MGRN1: variants seen among roughly 807,000 people sequenced by gnomAD.
MGRN1 encodes the protein mahogunin ring finger 1.
Under a neutral mutation model 69.2 loss-of-function variants are expected in MGRN1, and 29 were observed. The ratio of observed to expected loss-of-function variants is 0.42; its 90% CI spans 0.31 to 0.57. MGRN1 has a LOEUF of 0.57. Ranked by LOEUF, MGRN1 falls within the 20% of genes least tolerant of loss-of-function variation. The probability of loss-of-function intolerance (pLI) is 0.15; values close to 1 mark genes in which losing one functional copy is unlikely to be tolerated. For synonymous variants in MGRN1, 470 were observed against 344.2 expected, an observed-to-expected ratio of 1.37 and a Z score of -4.04; for missense variants, 998 against 796.2, an observed-to-expected ratio of 1.25 and a Z score of -3.05.
rs2079413017 is a variant in MGRN1 at position 4,689,667 on chromosome 16, C to T, written c.*759C>T. 1.3e-5 allele frequency: 2 copies of T among 152,254 alleles called. No individual in the cohort carries two copies. Among genetic ancestry groups the T allele is most frequent in the Admixed American group, 6.5e-5 (1 of 15,290 alleles). The allele number at this position is 152,254 out of a possible 1,614,324, so 9.4% of individuals were successfully genotyped here. ...CTTTGGTGACATCACAAGGCCCCTC[C>T]AGGTGCAGGGGCTTCTGTTTGGCAG... On this transcript the variant is annotated 3_prime_UTR_variant, in exon 17 of 17. Coordinates refer to ENST00000262370, the MANE Select transcript of MGRN1 (RefSeq NM_015246.4).
At chr16:4,629,497 T>C (rs1897881185) in intron 1 of MGRN1, among the ~76,000 whole-genome samples, 1 of 152,152 alleles carries the variant, frequency 6.6e-6, no homozygotes. Flanking sequence ...TCCCAGCACT[T>C]TGGGAGGCCA....
chr16:4,666,642 C>T (rs1596300978), intron 7 of MGRN1, among the ~76,000 whole-genome samples: 1 of 152,200 alleles, frequency 6.6e-6, no homozygotes, highest in Non-Finnish European at 1.5e-5. Context: ...CTACCAGGCT[C>T]AGTGTCCTTG....
chr16:4,683,045 G>A lies in MGRN1; in HGVS notation c.1482+99G>A, dbSNP rs908722073. 9 of 1,465,394 alleles carry A rather than the reference G, an allele frequency of 6.1e-6. No homozygotes were observed. In the East Asian group the frequency reaches 7.2e-5, roughly 12 times the overall value. 90.8% of individuals were successfully genotyped at this position (1,465,394 alleles called of 1,614,324 possible). On this transcript the variant is annotated intron_variant, in intron 14 of 16. Coordinates refer to ENST00000262370, the MANE Select transcript of MGRN1 (RefSeq NM_015246.4). ...ACCCCATCCCACTGCCCGCCTGGGC[G>A]CCCCCGTGCTTGTTGGCTCTTGCTG... is the stretch of plus-strand genomic sequence containing the variant.
intron 4 of MGRN1, among the ~76,000 whole-genome samples, chr16:4,656,922 T>TAAAC (rs1460090564): frequency 9.6e-6 from 1 of 104,316 alleles, no homozygotes; most frequent in Admixed American, 9.6e-5. Flanking sequence ...AATAAATAAA[T>TAAAC]AAATAAACAA....
rs149524451 is a variant in MGRN1, at chr16:4,654,129, C to G, written c.443+1305C>G. 4.8e-3 allele frequency among the ~76,000 whole-genome samples: 726 copies of G among 152,244 alleles called. 8 individuals are homozygous for G. The highest frequency in any genetic ancestry group is 0.016 in the African/African-American group (680 of 41,542). ...TCCAAGTCTCTAATCATGGCTTGGT[C>G]TTTCTGGCAGCCAGCCACCTCCAGG... is the stretch of plus-strand genomic sequence containing the variant. On this transcript the variant is annotated intron_variant, in intron 4 of 16. Coordinates refer to ENST00000262370, the MANE Select transcript of MGRN1 (RefSeq NM_015246.4).
Position 4,688,978 on chromosome 16 carries a change from C to T in MGRN1, c.*70C>T, listed in dbSNP as rs879416317. ...TTTGCCGAGGGGCTGCTCCGGACCCCGTTGTGAGCCGGCCTCCTGTCTGCA... is the reference window on the plus strand; with the variant it reads ...TTTGCCGAGGGGCTGCTCCGGACCCTGTTGTGAGCCGGCCTCCTGTCTGCA... On this transcript the variant is annotated 3_prime_UTR_variant, in exon 17 of 17. Transcript: ENST00000262370. 27 of 1,463,346 alleles carry T rather than the reference C, an allele frequency of 1.8e-5. No individual in the cohort carries two copies. Among genetic ancestry groups the T allele is most frequent in the East Asian group, 1.5e-4 (6 of 39,822 alleles). The allele number at this position is 1,463,346 out of a possible 1,614,324, so 90.6% of individuals were successfully genotyped here. A position where few individuals can be genotyped will look rare whatever the true frequency, so the allele number is the denominator to read the frequency against.
chr16:4,673,923 C>T (rs972474404), intron 10 of MGRN1, among the ~76,000 whole-genome samples: 11 of 152,180 alleles, frequency 7.2e-5, no homozygotes, highest in African/African-American at 2.2e-4. Flanking sequence ...GCTACAGAGG[C>T]GCTCCAGGGC....
At chr16:4,665,673 T>TA (rs1472984125) in intron 7 of MGRN1, among the ~76,000 whole-genome samples, 1 of 148,204 alleles carries the variant, frequency 6.7e-6, no homozygotes, top group Non-Finnish European at 1.5e-5. Flanking sequence ...CGGCCTTTTT[T>TA]TTTTTTTTTT....
At position 4,687,980 on chromosome 16, in the gene MGRN1, G is replaced by C; in HGVS notation, c.1619-816G>C. On this transcript the variant is annotated intron_variant, in intron 16 of 16. Coordinates refer to ENST00000262370, the MANE Select transcript of MGRN1 (RefSeq NM_015246.4). ...GGCCTGCGCATCGGTGGAAGGTGCCGTGCGAATGTCACGATTCAGGTCAAG... is the reference window on the plus strand; with the variant it reads ...GGCCTGCGCATCGGTGGAAGGTGCCCTGCGAATGTCACGATTCAGGTCAAG... 9 of 985,454 alleles carry C rather than the reference G, an allele frequency of 9.1e-6. No homozygotes were observed. In the South Asian group the frequency reaches 3.3e-4, roughly 36 times the overall value. 61.0% of individuals were successfully genotyped at this position (985,454 alleles called of 1,614,324 possible).
chr16:4,638,674 C>A (rs112987014), intron 1 of MGRN1, among the ~76,000 whole-genome samples: 72 of 152,324 alleles, frequency 4.7e-4, no homozygotes, highest in African/African-American at 1.7e-3. Context: ...TGATCTTGTG[C>A]AGGTCTGGCC....
At chr16:4,687,847 A>C in intron 16 of MGRN1, 1 of 985,432 alleles carries the variant, frequency 1.0e-6, no homozygotes, top group Non-Finnish European at 1.2e-6. Context: ...TGCGCTCTGC[A>C]TTCCCATGAA....
At chr16:4,638,973 C>CT (rs1567175342) in intron 1 of MGRN1, among the ~76,000 whole-genome samples, 1 of 152,146 alleles carries the variant, frequency 6.6e-6, no homozygotes, top group Admixed American at 6.5e-5. Context: ...CTTCCCATGG[C>CT]TGACAGTGCA....
intron 1 of MGRN1, among the ~76,000 whole-genome samples, chr16:4,639,064 G>A (rs1008803286): frequency 2.6e-5 from 4 of 152,146 alleles, no homozygotes; most frequent in African/African-American, 9.7e-5. Flanking sequence ...CAGCCTCACC[G>A]GGCCAGTTTC....
intron 16 of MGRN1, chr16:4,686,259 C>G: frequency 6.5e-7 from 1 of 1,543,946 alleles, no homozygotes; most frequent in Non-Finnish European, 8.7e-7. Flanking sequence ...CTCCGCGCAG[C>G]CCTGGGGCCC....
intron 1 of MGRN1, among the ~76,000 whole-genome samples, chr16:4,638,172 C>T (rs1250357655): frequency 6.6e-6 from 1 of 152,026 alleles, no homozygotes; most frequent in African/African-American, 2.4e-5. Context: ...CTCAAGTTTG[C>T]AGTTAAAGAA....
chr16:4,655,671 C>T lies in MGRN1; in HGVS notation c.444-1575C>T, dbSNP rs575332681. Among the ~76,000 whole-genome samples, 8 of 152,258 alleles carry T rather than the reference C, an allele frequency of 5.3e-5. No individual in the cohort carries two copies. In the East Asian group the frequency reaches 9.7e-4, roughly 18 times the overall value. ...GTGCCACTGTCCCCCTCTCTCAGGA[C>T]GCGGTGCAAGGCCAGCTTCCCCTCC... On this transcript the variant is annotated intron_variant, in intron 4 of 16. Transcript: ENST00000262370.
At chr16:4,647,756 C>G (rs1037532897) in intron 1 of MGRN1, among the ~76,000 whole-genome samples, 5 of 152,182 alleles carry the variant, frequency 3.3e-5, no homozygotes, top group African/African-American at 1.2e-4. Flanking sequence ...GGGCGTCCCA[C>G]TTGCTGAAGC....
intron 1 of MGRN1, among the ~76,000 whole-genome samples, chr16:4,637,545 C>T (rs974134389): frequency 2.6e-5 from 4 of 152,134 alleles, no homozygotes; most frequent in South Asian, 2.1e-4. Flanking sequence ...GCCTTAGTGC[C>T]GTTTATGGAA....
At chr16:4,685,214 A>G (rs1463514595) in intron 16 of MGRN1, among the ~76,000 whole-genome samples, 2 of 152,112 alleles carry the variant, frequency 1.3e-5, no homozygotes, top group East Asian at 3.8e-4. Flanking sequence ...TTGGGGGGTG[A>G]TCGGGGAAGA....
Sources: gnomAD v4.1 joint callset for allele counts (sites outside exome capture counted in the v4.1 genomes callset) on GRCh38, gnomAD v4.1.1 for gene constraint, MANE v1.5 for transcripts, NCBI Gene and HGNC (gene_info 2026-07-23, HGNC 2026-07-21) for gene names.